The following PIK3C3 variants were observed in gnomAD, a reference collection of about 807,000 sequenced individuals.
PIK3C3 encodes the protein phosphatidylinositol 3-kinase catalytic subunit type 3, also known as PI3-kinase type 3.
In PIK3C3, 95 loss-of-function variants were observed where a neutral mutation model predicts 126.1. That is an observed-to-expected ratio of 0.75 (90% CI 0.64 to 0.89). The LOEUF (loss-of-function observed/expected upper bound fraction) is 0.89. Ranked by LOEUF, PIK3C3 falls within the 40% of genes least tolerant of loss-of-function variation. PIK3C3 has a pLI of 0.00. For synonymous variants in PIK3C3, 374 were observed against 360.0 expected, an observed-to-expected ratio of 1.04 and a Z score of -0.44; for missense variants, 829 against 1,063.2, an observed-to-expected ratio of 0.78 and a Z score of 3.06.
intron 13 of PIK3C3, among the ~76,000 whole-genome samples, chr18:42,023,440 C>T (rs1053054713): frequency 6.6e-6 from 1 of 152,182 alleles, no homozygotes; most frequent in African/African-American, 2.4e-5. Context: ...CAAAGTACAG[C>T]CCCAGTTCCC....
chr18:42,067,546 CCTT>C, intron 24 of PIK3C3, 33 bp downstream of exon 24: 1 of 1,612,104 alleles, frequency 6.2e-7, no homozygotes, highest in African/African-American at 1.3e-5. Context: ...ATTTTTCTCA[CCTT>C]CTCCGTGTAC....
rs151283157 is a variant in PIK3C3 at position 42,013,486 on chromosome 18, T to C, written c.1215T>C (p.Tyr405=). 5.9e-5 allele frequency: 94 copies of C among 1,592,574 alleles called. No individual in the cohort carries two copies. Among genetic ancestry groups the C allele is most frequent in the Non-Finnish European group, 7.6e-5 (89 of 1,168,994 alleles). The change falls in exon 11 of 25, where the codon TAT becomes TAC. Residue 405 remains tyrosine (Y), a synonymous_variant. Transcript: ENST00000262039. The part of the protein sequence containing the change: ...YLLQLVQALK[Y]ENFDDIKNGL... ...TACAATTGGTCCAGGCTCTCAAATATGAAAATTTTGATGATATAAAGAATG... is the reference window on the plus strand; with the variant it reads ...TACAATTGGTCCAGGCTCTCAAATACGAAAATTTTGATGATATAAAGAATG...
chr18:41,987,720 A>G (rs1031669526), intron 4 of PIK3C3, 92 bp from the exon 5 acceptor site: 10 of 753,288 alleles, frequency 1.3e-5, no homozygotes, highest in Admixed American at 2.2e-5. Flanking sequence ...GGAAAGTATC[A>G]TATGTGAAGT....
At chr18:41,991,218 T>C (rs1013708391) in intron 6 of PIK3C3, among the ~76,000 whole-genome samples, 2 of 152,134 alleles carry the variant, frequency 1.3e-5, no homozygotes, top group African/African-American at 4.8e-5. Context: ...TATATTTAAG[T>C]ACTACAGAAA....
intron 9 of PIK3C3, among the ~76,000 whole-genome samples, chr18:42,001,345 T>C (rs1982279213): frequency 6.6e-6 from 1 of 152,228 alleles, no homozygotes; most frequent in African/African-American, 2.4e-5. Context: ...AGTCAGCTAA[T>C]AATTGATAGA....
At chr18:41,989,736 CATG>C in intron 5 of PIK3C3, among the ~76,000 whole-genome samples, 1 of 152,126 alleles carries the variant, frequency 6.6e-6, no homozygotes. Flanking sequence ...GTTTACATTT[CATG>C]ATGTTTACAC....
chr18:42,020,887 C>T (rs1265692597), intron 13 of PIK3C3, among the ~76,000 whole-genome samples, 182 bp downstream of exon 13: 1 of 152,146 alleles, frequency 6.6e-6, no homozygotes, highest in East Asian at 1.9e-4. Context: ...TTGGCATCAA[C>T]ATTTCTCTCC....
At chr18:42,029,279 C>T in intron 14 of PIK3C3, 46 bp from the exon 15 acceptor site, 1 of 1,105,256 alleles carries the variant, frequency 9.0e-7, no homozygotes, top group South Asian at 1.2e-5. Flanking sequence ...AAATCCAGAT[C>T]ATTACGCAAC....
chr18:41,997,680 C>A (rs1982093437), intron 9 of PIK3C3, among the ~76,000 whole-genome samples: 1 of 151,906 alleles, frequency 6.6e-6, no homozygotes, highest in Admixed American at 6.6e-5. Context: ...TCTTTAAATC[C>A]CATAACAACC....
intron 9 of PIK3C3, among the ~76,000 whole-genome samples, chr18:41,997,528 A>T (rs1017878212): frequency 3.9e-5 from 6 of 152,140 alleles, no homozygotes; most frequent in Admixed American, 3.9e-4. Context: ...TATATTTAAT[A>T]TGAGACAATC....
chr18:42,076,121 T>TATGA, intron 24 of PIK3C3, among the ~76,000 whole-genome samples: 1 of 55,200 alleles, frequency 1.8e-5, no homozygotes, highest in Admixed American at 2.1e-4. Flanking sequence ...TATATATATA[T>TATGA]GCGCATATAT....
intron 4 of PIK3C3, among the ~76,000 whole-genome samples, chr18:41,972,621 C>T (rs1450919077): frequency 6.6e-6 from 1 of 152,062 alleles, no homozygotes; most frequent in Non-Finnish European, 1.5e-5. Flanking sequence ...TCTGAGCTTG[C>T]CGTGCTGTGA....
Position 42,037,827 on chromosome 18 carries a change from A to G in PIK3C3, c.1968+7A>G, listed in dbSNP as rs778355665. 49 of 1,603,444 alleles carry G rather than the reference A, an allele frequency of 3.1e-5. No individual in the cohort carries two copies. Among genetic ancestry groups the G allele is most frequent in the Middle Eastern group, 1.7e-4 (1 of 6,026 alleles). On this transcript the variant is annotated splice_region_variant and intron_variant, in intron 17 of 24. Coordinates refer to ENST00000262039, the MANE Select transcript of PIK3C3 (RefSeq NM_002647.4). ...CATTTCACTCATGGACAAGGTGAACATGACCTTATGTTGGTGGGGAACATT... is the reference window on the plus strand; with the variant it reads ...CATTTCACTCATGGACAAGGTGAACGTGACCTTATGTTGGTGGGGAACATT...
chr18:41,962,628 T>G lies in PIK3C3; in HGVS notation c.397T>G (p.Tyr133Asp), dbSNP rs775811265. Residue 133 changes from tyrosine (Y) to aspartate (D), a missense_variant, in exon 3 of 25, where the codon TAC becomes GAC. Tyr to Asp is a radical substitution (Grantham distance 160, BLOSUM62 -3). Coordinates refer to ENST00000262039, the MANE Select transcript of PIK3C3 (RefSeq NM_002647.4). ...GGTTVSLFGK[Y>D]GMFRQGMHDL... ...AACAACGGTTTCGCTCTTTGGAAAA[T>G]ACGGGTAAGCATTCTGTTGGTCTCA... 6.2e-7 allele frequency: 1 copy of G among 1,610,586 alleles called. No homozygotes were observed.
rs957466071 is a variant in PIK3C3 at position 42,038,685 on chromosome 18, A to G, written c.1969-96A>G. 9 of 748,110 alleles carry G rather than the reference A, an allele frequency of 1.2e-5. No homozygotes were observed. The Middle Eastern group carries it at 1.1e-3, about 90-fold the overall frequency. The allele number at this position is 748,110 out of a possible 1,614,324, so 46.3% of individuals were successfully genotyped here. A position where few individuals can be genotyped will look rare whatever the true frequency, so the allele number is the denominator to read the frequency against. ...AACTTAATTTAGCTTAACTTCCTAA[A>G]TCTTTATTACATTAAACTGCTATAC... On this transcript the variant is annotated intron_variant, in intron 17 of 24. Coordinates refer to ENST00000262039, the MANE Select transcript of PIK3C3 (RefSeq NM_002647.4).
At chr18:41,969,252 A>G (rs955778089) in intron 3 of PIK3C3, among the ~76,000 whole-genome samples, 2 of 152,130 alleles carry the variant, frequency 1.3e-5, no homozygotes, top group Non-Finnish European at 2.9e-5. Context: ...TTCTAAGAGT[A>G]AGAAATAACT....
At chr18:42,064,564 A>G (rs1030590418) in intron 22 of PIK3C3, 176 bp from the exon 23 acceptor site, 45 of 549,296 alleles carry the variant, frequency 8.2e-5, no homozygotes, top group Admixed American at 1.2e-4. Flanking sequence ...AAGACCCCAA[A>G]ATAAAATATT....
intron 4 of PIK3C3, among the ~76,000 whole-genome samples, chr18:41,980,007 C>T (rs1173758066): frequency 1.3e-5 from 2 of 151,872 alleles, no homozygotes; most frequent in Non-Finnish European, 2.9e-5. Flanking sequence ...CTTCCTTCCG[C>T]CTTGAATAAA....
intron 4 of PIK3C3, among the ~76,000 whole-genome samples, chr18:41,986,556 T>A (rs1278430272): frequency 1.3e-5 from 2 of 152,110 alleles, no homozygotes; most frequent in African/African-American, 4.8e-5. Flanking sequence ...GAAAATGGAG[T>A]ATTAAGGTTG....
Sources: gnomAD v4.1 joint callset for allele counts (sites outside exome capture counted in the v4.1 genomes callset) on GRCh38, gnomAD v4.1.1 for gene constraint, MANE v1.5 for transcripts, NCBI Gene and HGNC (gene_info 2026-07-23, HGNC 2026-07-21) for gene names.